AR: variants seen among roughly 807,000 people sequenced by gnomAD.
AR encodes dihydrotestosterone receptor.
AR carries 8 observed loss-of-function variants against 53.9 expected under a neutral mutation model. The ratio of observed to expected loss-of-function variants is 0.15; its 90% CI spans 0.09 to 0.27. The LOEUF (loss-of-function observed/expected upper bound fraction) is 0.27. AR is among the 10% of genes least tolerant of loss of function. The pLI, the probability that AR is intolerant of heterozygous loss-of-function variation, is 1.00. For synonymous variants in AR, 359 were observed against 316.4 expected, an observed-to-expected ratio of 1.13 and a Z score of -1.43; for missense variants, 639 against 742.5, an observed-to-expected ratio of 0.86 and a Z score of 1.62.
At chrX:67,685,975 A>T in intron 2 of AR, 35 bp from the exon 3 acceptor site, 1 of 1,209,350 alleles carries the variant, frequency 8.3e-7, no homozygotes, top group South Asian at 1.8e-5. Flanking sequence ...GAAACTCATT[A>T]TCAGGTCTAT....
chrX:67,712,217 C>A (rs1158209505), intron 4 of AR, among the ~76,000 whole-genome samples: 2 of 112,071 alleles, frequency 1.8e-5, no homozygotes, highest in Admixed American at 9.5e-5. Flanking sequence ...GTGATCCCTT[C>A]CCCTTCTGGG....
At chrX:67,638,232 C>T (rs771366406) in intron 1 of AR, among the ~76,000 whole-genome samples, 18 of 111,824 alleles carry the variant, frequency 1.6e-4, no homozygotes, top group Non-Finnish European at 3.0e-4. Context: ...CATTGATGGG[C>T]ATTTCAGTTG....
chrX:67,628,615 G>T (rs896907616), intron 1 of AR, among the ~76,000 whole-genome samples: 3 of 108,985 alleles, frequency 2.8e-5, no homozygotes, highest in Non-Finnish European at 3.8e-5. Flanking sequence ...TTTCCTAATT[G>T]AATACCCTTT....
intron 3 of AR, among the ~76,000 whole-genome samples, chrX:67,690,903 C>A (rs1240029384): frequency 9.0e-6 from 1 of 111,548 alleles, no homozygotes; most frequent in East Asian, 2.8e-4. Context: ...TGAGGAACAG[C>A]AATTGGTTTA....
Position 67,728,590 on chromosome X carries a change from T to TATATATATATATAC in AR, c.*4762_*4763insCATATATATATATA, listed in dbSNP as rs2076167883. 1.1e-5 allele frequency: 1 copy of TATATATATATATAC among 88,497 alleles called. No homozygotes were observed. 7.3% of individuals were successfully genotyped at this position (88,497 alleles called of 1,213,427 possible). ...CAAAATTGAAATATATATATATATA[T>TATATATATATATAC]ATATATATATATATATATATATATA... On this transcript the variant is annotated 3_prime_UTR_variant, in exon 8 of 8. Coordinates refer to ENST00000374690, the MANE Select transcript of AR (RefSeq NM_000044.6).
At chrX:67,695,977 G>A in intron 3 of AR, 1 of 753,484 alleles carries the variant, frequency 1.3e-6, no homozygotes, top group Non-Finnish European at 1.6e-6. Flanking sequence ...AATGTGGATT[G>A]AAAGGCTAAT....
At chrX:67,685,496 A>G (rs964652437) in intron 2 of AR, among the ~76,000 whole-genome samples, 5 of 111,640 alleles carry the variant, frequency 4.5e-5, no homozygotes, top group Admixed American at 9.6e-5. Context: ...CAATCTAAAA[A>G]CAGTTAGAAA....
intron 3 of AR, chrX:67,696,006 C>T (rs943642959): frequency 4.9e-5 from 37 of 751,415 alleles, no homozygotes; most frequent in Admixed American, 8.9e-5. Flanking sequence ...TTTTTAACTA[C>T]TTTCTATTTG....
At chrX:67,662,320 T>C (rs1228073683) in intron 2 of AR, among the ~76,000 whole-genome samples, 2 of 111,306 alleles carry the variant, frequency 1.8e-5, no homozygotes, top group African/African-American at 3.3e-5. Flanking sequence ...CTTTCTCTTG[T>C]GGGCATTTAG....
At chrX:67,710,020 AG>A (rs2076087114) in intron 3 of AR, among the ~76,000 whole-genome samples, 1 of 111,140 alleles carries the variant, frequency 9.0e-6, no homozygotes, top group Non-Finnish European at 1.9e-5. Context: ...TCCGTCTCCA[AG>A]AGCTTTAACT....
chrX:67,673,260 T>C lies in AR; in HGVS notation c.1769-12750T>C, dbSNP rs1179194573. ...GAGGTGGTCTTTTTTGGATTAAATC[T>C]TCTTCGTGTTCTTGTACTTGGATAT... On this transcript the variant is annotated intron_variant, in intron 2 of 7. Transcript: ENST00000374690. Among the ~76,000 whole-genome samples the C allele has an allele frequency of 2.7e-5, 3 of 110,452 alleles. No homozygotes were observed. The East Asian group carries it at 8.6e-4, about 32-fold the overall frequency.
At chrX:67,694,887 C>T (rs898571133) in intron 3 of AR, 57 of 1,055,840 alleles carry the variant, frequency 5.4e-5, no homozygotes, top group East Asian at 7.0e-5. Flanking sequence ...CTCCCTCCAG[C>T]GGGACCAATA....
intron 2 of AR, among the ~76,000 whole-genome samples, chrX:67,664,058 C>T (rs984821479): frequency 9.0e-6 from 1 of 111,375 alleles, no homozygotes; most frequent in Non-Finnish European, 1.9e-5. Context: ...CTTTGCCATG[C>T]GTTCGAACTT....
intron 2 of AR, among the ~76,000 whole-genome samples, chrX:67,677,318 A>G (rs1473957260): frequency 2.7e-5 from 3 of 111,983 alleles, no homozygotes; most frequent in Non-Finnish European, 5.6e-5. Context: ...TTGGCCAACA[A>G]CATATTGAAA....
chrX:67,575,003 T>C (rs769794552), intron 1 of AR, among the ~76,000 whole-genome samples: 1 of 111,195 alleles, frequency 9.0e-6, no homozygotes, highest in Non-Finnish European at 1.9e-5. Context: ...TAACTAGTGA[T>C]ATGAGGAAGG....
intron 2 of AR, among the ~76,000 whole-genome samples, chrX:67,666,362 T>G (rs1927261336): frequency 8.9e-6 from 1 of 111,982 alleles, no homozygotes; most frequent in Non-Finnish European, 1.9e-5. Context: ...TGTCCTCTAG[T>G]TCCATCCATG....
Position 67,695,916 on chromosome X carries a change from T to C in AR, c.1885+9790T>C, listed in dbSNP as rs745745031. The C allele has an allele frequency of 2.9e-5, 22 of 751,340 alleles. 1 individual carries two copies. In the South Asian group the frequency reaches 1.4e-3, roughly 49 times the overall value. 61.9% of individuals were successfully genotyped at this position (751,340 alleles called of 1,213,427 possible). ...AAGGAAGGACTTCAGGAGGGGAGTTTCCCCCTTCTCAGGGCAGAATTTTAA... is the reference window on the plus strand; with the variant it reads ...AAGGAAGGACTTCAGGAGGGGAGTTCCCCCCTTCTCAGGGCAGAATTTTAA... On this transcript the variant is annotated intron_variant, in intron 3 of 7. Transcript: ENST00000374690.
At chrX:67,714,814 C>T (rs774475631) in intron 4 of AR, among the ~76,000 whole-genome samples, 1 of 111,511 alleles carries the variant, frequency 9.0e-6, no homozygotes, top group Non-Finnish European at 1.9e-5. Flanking sequence ...CCTTGATAGT[C>T]ATGTAGGCTA....
intron 2 of AR, among the ~76,000 whole-genome samples, chrX:67,675,323 G>A (rs886812822): frequency 9.0e-6 from 1 of 110,511 alleles, no homozygotes; most frequent in African/African-American, 3.3e-5. Flanking sequence ...TAGGTCGCAT[G>A]TTCCCCAAGT....
Sources: gnomAD v4.1 joint callset for allele counts (sites outside exome capture counted in the v4.1 genomes callset) on GRCh38, gnomAD v4.1.1 for gene constraint, MANE v1.5 for transcripts, NCBI Gene and HGNC (gene_info 2026-07-23, HGNC 2026-07-21) for gene names.